The following SF3B1 variants were observed in gnomAD, a reference collection of about 807,000 sequenced individuals.
SF3B1 encodes pre-mRNA processing 10.
SF3B1 carries 12 observed loss-of-function variants against 153.8 expected under a neutral mutation model. The observed-to-expected ratio is 0.08, with a 90% confidence interval of 0.05 to 0.13. The LOEUF is 0.13. Among genes scored for constraint, SF3B1 ranks in the 10% least tolerant of loss-of-function variants. SF3B1 has a pLI of 1.00. For synonymous variants in SF3B1, 498 were observed against 525.2 expected, an observed-to-expected ratio of 0.95 and a Z score of 0.71; for missense variants, 513 against 1,606.1, an observed-to-expected ratio of 0.32 and a Z score of 11.63.
intron 1 of SF3B1, among the ~76,000 whole-genome samples, chr2:197,427,559 C>G (rs1227591121): frequency 6.6e-6 from 1 of 152,098 alleles, no homozygotes; most frequent in African/African-American, 2.4e-5. Context: ...CAAATTATTA[C>G]CATGACATTC....
intron 1 of SF3B1, among the ~76,000 whole-genome samples, chr2:197,432,721 G>A (rs889933848): frequency 2.0e-5 from 3 of 152,112 alleles, no homozygotes; most frequent in South Asian, 2.1e-4. Flanking sequence ...ACAAAAATTA[G>A]TCGGGTGTGG....
At chr2:197,398,157 G>C (rs1553563685) in intron 21 of SF3B1, 41 bp from the exon 22 acceptor site, 9 of 1,528,860 alleles carry the variant, frequency 5.9e-6, no homozygotes, top group Non-Finnish European at 3.6e-6. Context: ...GTGACATTAA[G>C]AAAAGTTTTA....
At chr2:197,406,160 T>A (rs949496635) in intron 9 of SF3B1, among the ~76,000 whole-genome samples, 7 of 150,304 alleles carry the variant, frequency 4.7e-5, no homozygotes, top group Non-Finnish European at 7.4e-5. Context: ...TTACAGCACT[T>A]TGGGAGGCTG....
rs2105985604 is a variant in SF3B1 at position 197,402,139 on chromosome 2, C to A, written c.2078-9G>T. ...CTGCTCATCCACAAGACCTACAAAA[C>A]CAAACACAGGTTTTAACTATGCCCC... On this transcript the variant is annotated splice_polypyrimidine_tract_variant and intron_variant, in intron 14 of 24. Coordinates refer to ENST00000335508, the MANE Select transcript of SF3B1 (RefSeq NM_012433.4). The surrounding 1 kb of genome is among the most constrained non-coding windows in gnomAD (Gnocchi z 4.6). 1.3e-6 allele frequency: 2 copies of A among 1,594,000 alleles called. No homozygotes were observed. Among genetic ancestry groups the A allele is most frequent in the Non-Finnish European group, 1.7e-6 (2 of 1,169,042 alleles).
At position 197,401,095 on chromosome 2, in the gene SF3B1, C is replaced by T. The variant is rs536631741; in HGVS notation, c.2497-159G>A. ...TTATTAAAGTTGAAGAGAAAAGTGA[C>T]CAAACATCGAAAAATGAGTATAAGT... On this transcript the variant is annotated intron_variant, in intron 17 of 24. Transcript: ENST00000335508. The surrounding 1 kb of genome is among the most constrained non-coding windows in gnomAD (Gnocchi z 4.2). Among the ~76,000 whole-genome samples the T allele has an allele frequency of 5.8e-4, 88 of 152,218 alleles. No individual in the cohort carries two copies. Among genetic ancestry groups the T allele is most frequent in the African/African-American group, 2.0e-3 (85 of 41,516 alleles).
chr2:197,430,281 GAAAT>G (rs1372315674), intron 1 of SF3B1, among the ~76,000 whole-genome samples: 1 of 152,128 alleles, frequency 6.6e-6, no homozygotes, highest in Non-Finnish European at 1.5e-5. Context: ...TCCCTACACA[GAAAT>G]ACATACTGAA....
chr2:197,414,526 G>C (rs1238424672), intron 6 of SF3B1, among the ~76,000 whole-genome samples: 2 of 152,184 alleles, frequency 1.3e-5, no homozygotes, highest in East Asian at 1.9e-4. Flanking sequence ...AGAGAAAAGG[G>C]TATGAAGAAA....
Position 197,400,923 on chromosome 2 carries a change from G to T in SF3B1, c.2510C>A (p.Thr837Asn). 1 of 1,610,198 alleles carries T rather than the reference G, an allele frequency of 6.2e-7. No individual in the cohort carries two copies. The part of the protein sequence containing the change: ...RRNYRQLVDT[T>N]VELANKVGAA... ...ACCTACTTTGTTTGCCAACTCCACA[G>T]TAGTATCAACTAACTAAAAAGAACA... Residue 837 changes from threonine (T) to asparagine (N), a missense_variant, in exon 18 of 25, where the codon ACT (threonine) becomes AAT (asparagine). Physicochemically the swap from Thr to Asn is moderately conservative, Grantham distance 65. This residue lies in a region of SF3B1 where 50 missense variants were observed against 236.5 expected (regional missense o/e 0.21). Coordinates refer to ENST00000335508, the MANE Select transcript of SF3B1 (RefSeq NM_012433.4). This position sits in a 1 kb window ranked among gnomAD's most constrained non-coding sequence, Gnocchi z 5.0.
At position 197,434,982 on chromosome 2, in the gene SF3B1, C is replaced by A; in HGVS notation, c.18G>T (p.Lys6Asn). The A allele has an allele frequency of 2.5e-6, 4 of 1,614,230 alleles. No individual in the cohort carries two copies. Among genetic ancestry groups the A allele is most frequent in the Non-Finnish European group, 3.4e-6 (4 of 1,179,994 alleles). Residue 6 changes from lysine to asparagine, a missense_variant, in exon 1 of 25, where the codon AAG becomes AAT. Transcript: ENST00000335508. MAKIA[K>N]THEDIEAQIR... is the part of the protein sequence containing the mutation. ...GGAAAGACCGCTTACCTTCGTGAGT[C>A]TTGGCGATCTTCGCCATTTTGTCCA...
In SF3B1 at chr2:197,390,086, T is replaced by C. The variant is rs887708912; in HGVS notation, c.*2217A>G. On this transcript the variant is annotated 3_prime_UTR_variant, in exon 25 of 25. Transcript: ENST00000335508. Reference sequence around the variant, plus strand: ...ATCACAAAATGCTTTCCTTATTTAATAATAAGCACATAAAATAATCCAAAT... The same window carrying C: ...ATCACAAAATGCTTTCCTTATTTAACAATAAGCACATAAAATAATCCAAAT... 2.6e-5 allele frequency: 4 copies of C among 152,222 alleles called. No individual in the cohort carries two copies. Among genetic ancestry groups the C allele is most frequent in the Admixed American group, 2.6e-4 (4 of 15,274 alleles). 9.4% of individuals were successfully genotyped at this position (152,222 alleles called of 1,614,324 possible). A position where few individuals can be genotyped will look rare whatever the true frequency, so the allele number is the denominator to read the frequency against.
chr2:197,434,828 T>C, intron 1 of SF3B1, 144 bp downstream of exon 1: 1 of 816,386 alleles, frequency 1.2e-6, no homozygotes, highest in South Asian at 1.5e-5. Context: ...CCTGCGCCGC[T>C]GGCGCGGAGG....
intron 3 of SF3B1, 65 bp from the exon 4 acceptor site, chr2:197,420,607 CAAAA>C: frequency 9.5e-7 from 1 of 1,057,560 alleles, no homozygotes; most frequent in South Asian, 1.5e-5. Context: ...ATATCATAAA[CAAAA>C]ATCAGAACAC....
chr2:197,404,992 A>G, intron 11 of SF3B1, 84 bp downstream of exon 11: 2 of 935,532 alleles, frequency 2.1e-6, no homozygotes, highest in Non-Finnish European at 3.2e-6. Flanking sequence ...AACATGGCAA[A>G]ACCCTGTCTC....
intron 23 of SF3B1, among the ~76,000 whole-genome samples, chr2:197,394,134 A>C (rs2084847586): frequency 6.6e-6 from 1 of 152,038 alleles, no homozygotes; most frequent in Non-Finnish European, 1.5e-5. Context: ...CAGTGAGTCG[A>C]GATTGTGCCA....
At chr2:197,423,667 A>G in intron 2 of SF3B1, 141 bp downstream of exon 2, 5 of 713,988 alleles carry the variant, frequency 7.0e-6, no homozygotes, top group Non-Finnish European at 6.8e-6. Flanking sequence ...AACCTTAGAG[A>G]GGATACCTCC....
intron 4 of SF3B1, chr2:197,418,943 A>G: frequency 1.9e-6 from 3 of 1,600,824 alleles, no homozygotes; most frequent in Non-Finnish European, 2.6e-6. Flanking sequence ...CAAGCAGCAG[A>G]ATAGAAGCCT....
chr2:197,419,212 A>T (rs574926720), intron 4 of SF3B1: 4 of 437,902 alleles, frequency 9.1e-6, no homozygotes, highest in African/African-American at 8.0e-5. Flanking sequence ...ATTTCTTAGA[A>T]AGCATAAATT....
chr2:197,393,722 A>G (rs539010067), intron 23 of SF3B1, among the ~76,000 whole-genome samples: 1 of 152,210 alleles, frequency 6.6e-6, no homozygotes, highest in East Asian at 1.9e-4. Context: ...AAGTACAGGG[A>G]TTACAGGCGT....
Position 197,401,321 on chromosome 2 carries a change from A to G in SF3B1, c.2496+79T>C. Reference sequence around the variant, plus strand: ...TGTGAGATAATCAAGGCAAAAAATAATATACAACATGCATTCAAGTTGACT... The same window carrying G: ...TGTGAGATAATCAAGGCAAAAAATAGTATACAACATGCATTCAAGTTGACT... On this transcript the variant is annotated intron_variant, in intron 17 of 24. Coordinates refer to ENST00000335508, the MANE Select transcript of SF3B1 (RefSeq NM_012433.4). This position sits in a 1 kb window ranked among gnomAD's most constrained non-coding sequence, Gnocchi z 4.2. The G allele has an allele frequency of 7.7e-7, 1 of 1,295,348 alleles. No individual in the cohort carries two copies. The highest frequency in any genetic ancestry group is 1.1e-6 in the Non-Finnish European group (1 of 930,354). 80.2% of individuals were successfully genotyped at this position (1,295,348 alleles called of 1,614,324 possible). A position where few individuals can be genotyped will look rare whatever the true frequency, so the allele number is the denominator to read the frequency against.
Sources: gnomAD v4.1 joint callset for allele counts (sites outside exome capture counted in the v4.1 genomes callset) on GRCh38, gnomAD v4.1.1 for gene constraint, gnomAD v4.1.1 regional missense constraint, Gnocchi (gnomAD v3.1) non-coding constraint, MANE v1.5 for transcripts, NCBI Gene and HGNC (gene_info 2026-07-23, HGNC 2026-07-21) for gene names.